Variants in DLGAP2 observed in about 807,000 individuals in gnomAD.
The protein encoded by DLGAP2 is disks large-associated protein 2.
In DLGAP2, 26 loss-of-function variants were observed where a neutral mutation model predicts 100.3. The observed-to-expected ratio is 0.26, with a 90% CI of 0.19 to 0.36. DLGAP2 has a LOEUF of 0.36. Ranked by LOEUF, DLGAP2 falls within the 10% of genes least tolerant of loss-of-function variation. DLGAP2 has a pLI of 1.00. For synonymous variants in DLGAP2, 886 were observed against 630.1 expected (o/e 1.41, Z -6.08); for missense variants, 1,858 against 1,453.2 (o/e 1.28, Z -4.53).
chr8:884,792 T>C (rs1329763861), intron 1 of DLGAP2, among the ~76,000 whole-genome samples: 3 of 152,238 alleles, frequency 2.0e-5, no homozygotes, highest in Non-Finnish European at 4.4e-5. Context: ...TAATCCATCT[T>C]GAGTTAATTT....
At chr8:1,566,499 G>C (rs532070231) in intron 6 of DLGAP2, among the ~76,000 whole-genome samples, 2 of 152,130 alleles carry the variant, frequency 1.3e-5, no homozygotes. Flanking sequence ...CAACAGCCAC[G>C]CTGCTGTGTA....
Position 1,701,224 on chromosome 8 carries a change from C to A in DLGAP2, c.2986C>A (p.Pro996Thr). 1 of 1,574,966 alleles carries A rather than the reference C, an allele frequency of 6.3e-7. No individual in the cohort carries two copies. Residue 996 changes from proline to threonine, a missense_variant, in exon 15 of 15, where the codon CCT becomes ACT. Coordinates refer to ENST00000637795, the MANE Select transcript of DLGAP2 (RefSeq NM_001346810.2). ...GGTCCCGCCTCCAATACCAAAGAAG[C>A]CTCCCAAGGGGAAGTTTCCCATCAC... ...RKVPPPIPKK[P>T]PKGKFPITRE...
chr8:958,796 A>G (rs1181602783), intron 2 of DLGAP2, among the ~76,000 whole-genome samples: 1 of 152,162 alleles, frequency 6.6e-6, no homozygotes, highest in Non-Finnish European at 1.5e-5. Flanking sequence ...GAAAGGGCAT[A>G]TTGTGAGACT....
intron 3 of DLGAP2, among the ~76,000 whole-genome samples, chr8:1,286,615 A>G (rs137886484): frequency 2.2e-4 from 33 of 152,268 alleles, no homozygotes; most frequent in Middle Eastern, 3.4e-3. Context: ...TGCTGTAATG[A>G]TCTAGTCTGA....
At chr8:1,675,339 C>T (rs1798787308) in intron 10 of DLGAP2, among the ~76,000 whole-genome samples, 1 of 152,248 alleles carries the variant, frequency 6.6e-6, no homozygotes, top group Non-Finnish European at 1.5e-5. Flanking sequence ...CAAGTCACCC[C>T]CCTCCTCTGA....
intron 10 of DLGAP2, among the ~76,000 whole-genome samples, chr8:1,674,535 TGA>T (rs1798765096): frequency 1.3e-5 from 2 of 152,348 alleles, no homozygotes; most frequent in South Asian, 4.1e-4. Context: ...ATAGAATAAG[TGA>T]GAGAGACAAA....
chr8:1,629,516 A>G (rs563685390), intron 7 of DLGAP2, among the ~76,000 whole-genome samples: 8 of 152,350 alleles, frequency 5.3e-5, no homozygotes, highest in African/African-American at 1.9e-4. Context: ...CTATTTCAGC[A>G]TAAAGTCCAA....
At chr8:1,656,960 T>G (rs1470895860) in intron 8 of DLGAP2, among the ~76,000 whole-genome samples, 2 of 152,116 alleles carry the variant, frequency 1.3e-5, no homozygotes, top group Non-Finnish European at 2.9e-5. Context: ...CCCAGGTATG[T>G]TTTCATCTAT....
intron 3 of DLGAP2, among the ~76,000 whole-genome samples, chr8:1,476,586 T>A (rs1798936098): frequency 6.6e-6 from 1 of 152,140 alleles, no homozygotes; most frequent in Non-Finnish European, 1.5e-5. Flanking sequence ...GTTAGTGCTG[T>A]CCCCATCGGT....
At position 1,279,901 on chromosome 8, in the gene DLGAP2, G is replaced by C. The variant is rs534839195; in HGVS notation, c.106+21018G>C. ...GCCCAGTCTACACGCCAAGGAAGGG[G>C]TTCATACACGTTCACACACAGGCTT... On this transcript the variant is annotated intron_variant, in intron 3 of 14. Transcript: ENST00000637795. Among the ~76,000 whole-genome samples, 174 of 152,268 alleles carry C rather than the reference G, an allele frequency of 1.1e-3. 2 individuals are homozygous for C. The highest frequency in any genetic ancestry group is 1.6e-3 in the Non-Finnish European group (106 of 68,034).
rs184327503 is a variant in DLGAP2, at chr8:772,160, C to T, written c.18+34335C>T. ...AAGCGATTCTCCTGCCTCAGCCTCC[C>T]AAAGTGCAGGGATTACAGGCATCAG... is the stretch of plus-strand genomic sequence containing the variant. On this transcript the variant is annotated intron_variant, in intron 1 of 14. Coordinates refer to ENST00000637795, the MANE Select transcript of DLGAP2 (RefSeq NM_001346810.2). Among the ~76,000 whole-genome samples, 575 of 152,232 alleles carry T rather than the reference C, an allele frequency of 3.8e-3. 1 individual carries two copies. Among genetic ancestry groups the T allele is most frequent in the South Asian group, 0.018 (88 of 4,826 alleles).
chr8:1,229,449 G>C (rs1444081998), intron 2 of DLGAP2, among the ~76,000 whole-genome samples: 1 of 152,014 alleles, frequency 6.6e-6, no homozygotes, highest in Non-Finnish European at 1.5e-5. Flanking sequence ...GATTCAATCT[G>C]GCAAGATTAT....
intron 3 of DLGAP2, among the ~76,000 whole-genome samples, chr8:1,444,668 T>A (rs1262677258): frequency 6.6e-6 from 1 of 152,042 alleles, no homozygotes; most frequent in Non-Finnish European, 1.5e-5. Context: ...GATGGTCCCA[T>A]GATTTTGACT....
At chr8:1,163,514 T>G (rs975294793) in intron 2 of DLGAP2, among the ~76,000 whole-genome samples, 1 of 152,186 alleles carries the variant, frequency 6.6e-6, no homozygotes, top group Non-Finnish European at 1.5e-5. Context: ...TTCCAAAGAC[T>G]CGGGAGCTGT....
intron 6 of DLGAP2, among the ~76,000 whole-genome samples, chr8:1,610,062 C>T (rs1268056217): frequency 1.3e-5 from 2 of 151,332 alleles, no homozygotes; most frequent in African/African-American, 4.8e-5. Context: ...CAGAACTCTC[C>T]ACCCCAAATC....
chr8:897,928 G>A (rs1382411160), intron 1 of DLGAP2, among the ~76,000 whole-genome samples: 1 of 152,128 alleles, frequency 6.6e-6, no homozygotes, highest in Non-Finnish European at 1.5e-5. Flanking sequence ...GAGTTGCTGT[G>A]TTCCCTCCGT....
At chr8:1,648,964 C>T (rs1419339526) in intron 8 of DLGAP2, among the ~76,000 whole-genome samples, 3 of 152,176 alleles carry the variant, frequency 2.0e-5, no homozygotes, top group Non-Finnish European at 2.9e-5. Context: ...GGAGTGCAGG[C>T]GTTTCCCAGA....
At chr8:1,190,135 G>C (rs1329959390) in intron 2 of DLGAP2, among the ~76,000 whole-genome samples, 1 of 152,126 alleles carries the variant, frequency 6.6e-6, no homozygotes, top group Non-Finnish European at 1.5e-5. Flanking sequence ...GCACTTTGTA[G>C]GGCCTGAGTT....
chr8:1,156,691 AGCTCAGCAACCCG>A (rs1434954068), intron 2 of DLGAP2, among the ~76,000 whole-genome samples: 1 of 150,412 alleles, frequency 6.6e-6, no homozygotes, highest in African/African-American at 2.5e-5. Context: ...CCAGCACCCC[AGCTCAGCAACCCG>A]GCTCAGCGAC....
Sources: allele counts gnomAD v4.1 joint callset (sites outside exome capture counted in the v4.1 genomes callset), GRCh38; gene constraint gnomAD v4.1.1; transcripts MANE v1.5; gene names NCBI Gene and HGNC (gene_info 2026-07-23, HGNC 2026-07-21).